Variants in NUCB1 observed in about 807,000 individuals in gnomAD.
The protein encoded by NUCB1 is nucleobindin-1.
Under a neutral mutation model 61.2 loss-of-function variants are expected in NUCB1, and 47 were observed. The ratio of observed to expected loss-of-function variants is 0.77; its 90% CI spans 0.61 to 0.98. The LOEUF is 0.98. Among genes scored for constraint, NUCB1 ranks in the 50% least tolerant of loss-of-function variants. NUCB1 has a pLI of 0.00. For missense variants in NUCB1, 583 were observed against 605.3 expected (o/e 0.96, Z 0.39); for synonymous variants, 234 against 243.1 (o/e 0.96, Z 0.35).
chr19:48,919,059 G>A lies in NUCB1; in HGVS notation c.846G>A (p.Glu282=), dbSNP rs781746337. ...ELEKVYDPKN[E]EDDMREMEEE... is the part of the protein sequence containing the mutation. ...AGAAAGTGTACGACCCAAAGAATGAGGAGGACGACATGCGGGAGATGGAGG... is the reference window on the plus strand; with the variant it reads ...AGAAAGTGTACGACCCAAAGAATGAAGAGGACGACATGCGGGAGATGGAGG... The change falls in exon 9 of 13, where the codon GAG becomes GAA. Residue 282 remains glutamate, a synonymous_variant. Transcript: ENST00000405315. The A allele has an allele frequency of 6.2e-7, 1 of 1,614,122 alleles. No individual in the cohort carries two copies. Among genetic ancestry groups the A allele is most frequent in the Admixed American group, 1.7e-5 (1 of 60,000 alleles).
In NUCB1 at chr19:48,911,163, C is replaced by A; in HGVS notation, c.391C>A (p.His131Asn). The A allele has an allele frequency of 6.2e-7, 1 of 1,613,004 alleles. No individual in the cohort carries two copies. The highest frequency in any genetic ancestry group is 1.1e-5 in the South Asian group (1 of 91,034). The change falls in exon 5 of 13, where the codon CAT (histidine) becomes AAT (asparagine). Residue 131 changes from histidine to asparagine, a missense_variant. Transcript: ENST00000405315. ...AEQDPNVQVD[H>N]LNLLKQFEHL... is the part of the protein sequence containing the mutation. ...CTCTCTTCCAGATGTACAGGTGGAT[C>A]ATCTGAATCTCCTGAAACAGTTTGA... is the stretch of plus-strand genomic sequence containing the variant.
chr19:48,913,247 GCAAGA>G (rs1473932848), intron 6 of NUCB1, 51 bp downstream of exon 6: 29 of 1,538,008 alleles, frequency 1.9e-5, no homozygotes, highest in Non-Finnish European at 2.5e-5. Context: ...CAGTTCAAAC[GCAAGA>G]CAAGAAAGCA....
At chr19:48,911,390 C>G in intron 5 of NUCB1, 138 bp downstream of exon 5, 2 of 474,712 alleles carry the variant, frequency 4.2e-6, no homozygotes, top group South Asian at 2.6e-5. Flanking sequence ...AGGGCTGAGT[C>G]GTTTCTTTTC....
Position 48,905,774 on chromosome 19 carries a change from C to G in NUCB1, c.265C>G (p.Leu89Val). ...DIKSGKLSRE[L>V]DFVSHHVRTK... ...TCAGAGCGGGAAGCTGAGCCGAGAG[C>G]TGGACTTTGTCAGCCACCACGTCCG... Residue 89 changes from leucine (L) to valine (V), a missense_variant, in exon 4 of 13, where the codon CTG (leucine) becomes GTG (valine). By Grantham distance (32) the Leu-to-Val change is conservative (BLOSUM62 1). Transcript: ENST00000405315. 6.2e-7 allele frequency: 1 copy of G among 1,614,094 alleles called. No individual in the cohort carries two copies. Among genetic ancestry groups the G allele is most frequent in the Non-Finnish European group, 8.5e-7 (1 of 1,180,038 alleles).
At chr19:48,910,329 G>A (rs760041674) in intron 4 of NUCB1, among the ~76,000 whole-genome samples, 9 of 151,620 alleles carry the variant, frequency 5.9e-5, no homozygotes, top group African/African-American at 2.2e-4. Context: ...GCCCCCCTTG[G>A]CCTCCCAAAG....
At chr19:48,904,678 C>T (rs1349828353) in intron 3 of NUCB1, among the ~76,000 whole-genome samples, 2 of 152,080 alleles carry the variant, frequency 1.3e-5, no homozygotes, top group Non-Finnish European at 2.9e-5. Context: ...CGTACACCAC[C>T]ATGCCTGACT....
At chr19:48,912,927 A>G in intron 5 of NUCB1, 84 bp from the exon 6 acceptor site, 1 of 1,063,718 alleles carries the variant, frequency 9.4e-7, no homozygotes, top group South Asian at 1.8e-5. Context: ...AGCCAGGTTC[A>G]GGGCCAAGGG....
chr19:48,901,641 A>G (rs142900130), intron 2 of NUCB1, among the ~76,000 whole-genome samples: 3 of 152,208 alleles, frequency 2.0e-5, no homozygotes, highest in Admixed American at 1.3e-4. Context: ...GCTCACGCCT[A>G]TAATCCCAGC....
intron 3 of NUCB1, among the ~76,000 whole-genome samples, chr19:48,905,177 T>C (rs1455828593): frequency 6.6e-6 from 1 of 152,170 alleles, no homozygotes; most frequent in African/African-American, 2.4e-5. Flanking sequence ...TGACACTCCT[T>C]AGCAAGTGTT....
At position 48,911,162 on chromosome 19, in the gene NUCB1, T is replaced by G; in HGVS notation, c.390T>G (p.Asp130Glu). Residue 130 changes from aspartate to glutamate, a missense_variant, in exon 5 of 13, where the codon GAT becomes GAG. Asp to Glu is a conservative substitution (Grantham distance 45). Coordinates refer to ENST00000405315, the MANE Select transcript of NUCB1 (RefSeq NM_006184.6). ...DAEQDPNVQV[D>E]HLNLLKQFEH... ...CCTCTCTTCCAGATGTACAGGTGGATCATCTGAATCTCCTGAAACAGTTTG... is the reference window on the plus strand; with the variant it reads ...CCTCTCTTCCAGATGTACAGGTGGAGCATCTGAATCTCCTGAAACAGTTTG... 6.2e-7 allele frequency: 1 copy of G among 1,612,218 alleles called. No individual in the cohort carries two copies. The highest frequency in any genetic ancestry group is 8.5e-7 in the Non-Finnish European group (1 of 1,178,528).
intron 2 of NUCB1, 176 bp downstream of exon 2, chr19:48,901,107 G>A: frequency 1.4e-6 from 1 of 733,350 alleles, no homozygotes; most frequent in South Asian, 1.6e-5. Flanking sequence ...AAAACTGGAG[G>A]TCCCTGACTC....
chr19:48,913,217 C>A, intron 6 of NUCB1, 21 bp downstream of exon 6: 1 of 1,594,922 alleles, frequency 6.3e-7, no homozygotes, highest in South Asian at 1.1e-5. Flanking sequence ...CATTTGTGCC[C>A]ATCCACTCCC....
Position 48,905,820 on chromosome 19 carries a change from A to G in NUCB1, c.311A>G (p.Lys104Arg). 6.2e-7 allele frequency: 1 copy of G among 1,609,780 alleles called. No individual in the cohort carries two copies. The highest frequency in any genetic ancestry group is 8.5e-7 in the Non-Finnish European group (1 of 1,177,618). ...GTCCGCACCAAGCTGGATGAGCTCAAGCGACAGGAGGTGTCACGGCTGCGG... is the reference window on the plus strand; with the variant it reads ...GTCCGCACCAAGCTGGATGAGCTCAGGCGACAGGAGGTGTCACGGCTGCGG... The part of the protein sequence containing the change: ...HHVRTKLDEL[K>R]RQEVSRLRML... Residue 104 changes from lysine to arginine, a missense_variant, in exon 4 of 13, where the codon AAG (lysine) becomes AGG (arginine). Coordinates refer to ENST00000405315, the MANE Select transcript of NUCB1 (RefSeq NM_006184.6).
chr19:48,914,243 A>G (rs1013385320), intron 7 of NUCB1, among the ~76,000 whole-genome samples: 2 of 151,942 alleles, frequency 1.3e-5, no homozygotes, highest in South Asian at 2.1e-4. Context: ...CCAAAGTGCT[A>G]GGATTACAGG....
rs2037572099 is a variant in NUCB1 at position 48,918,870 on chromosome 19, G to A, written c.816+86G>A. 3 of 1,397,662 alleles carry A rather than the reference G, an allele frequency of 2.1e-6. No individual in the cohort carries two copies. In the East Asian group the frequency reaches 6.9e-5, roughly 32 times the overall value. 86.6% of individuals were successfully genotyped at this position (1,397,662 alleles called of 1,614,324 possible). ...CCTGCAGTCCCCTTAAATCCCCCTG[G>A]ATGGGAGCTCAGTGAAAACTACAAC... On this transcript the variant is annotated intron_variant, in intron 8 of 12. Coordinates refer to ENST00000405315, the MANE Select transcript of NUCB1 (RefSeq NM_006184.6).
At chr19:48,911,656 T>C (rs2037475468) in intron 5 of NUCB1, among the ~76,000 whole-genome samples, 1 of 152,062 alleles carries the variant, frequency 6.6e-6, no homozygotes, top group African/African-American at 2.4e-5. Context: ...TCCACCCGCC[T>C]CAGCCTCCCA....
rs549628819 is a variant in NUCB1, at chr19:48,913,286, G to A, written c.666+90G>A. 8 of 1,324,874 alleles carry A rather than the reference G, an allele frequency of 6.0e-6. No individual in the cohort carries two copies. The African/African-American group carries it at 7.4e-5, about 12-fold the overall frequency. 82.1% of individuals were successfully genotyped at this position (1,324,874 alleles called of 1,614,324 possible). A position where few individuals can be genotyped will look rare whatever the true frequency, so the allele number is the denominator to read the frequency against. On this transcript the variant is annotated intron_variant, in intron 6 of 12. Transcript: ENST00000405315. ...CAGTTAAAGAACTACAATTCCCAGG[G>A]GCCCTTGAGGCAAAAAAACTCCCTG...
intron 2 of NUCB1, among the ~76,000 whole-genome samples, chr19:48,902,839 G>T (rs868696194): frequency 7.2e-5 from 11 of 152,012 alleles, no homozygotes; most frequent in Admixed American, 1.3e-4. Context: ...ACGTCAAGGA[G>T]GCTGCTGTGG....
chr19:48,918,429 G>C, intron 7 of NUCB1: 1 of 348,804 alleles, frequency 2.9e-6, no homozygotes, highest in African/African-American at 2.1e-5. Flanking sequence ...AGCTGACTCT[G>C]TGTCCAGAGC....
Sources: allele counts gnomAD v4.1 joint callset (sites outside exome capture counted in the v4.1 genomes callset), GRCh38; gene constraint gnomAD v4.1.1; transcripts MANE v1.5; gene names NCBI Gene and HGNC (gene_info 2026-07-23, HGNC 2026-07-21).